PECR: variants seen among roughly 807,000 people sequenced by gnomAD.
PECR encodes peroxisomal trans-2-enoyl-CoA reductase.
PECR carries 30 observed loss-of-function variants against 35.3 expected under a neutral mutation model. The ratio of observed to expected loss-of-function variants is 0.85; its 90% CI spans 0.64 to 1.15. PECR has a LOEUF of 1.15. Ranked by LOEUF, PECR falls within the 50% of genes most tolerant of loss-of-function variation. PECR has a pLI of 0.00. For missense variants in PECR, 392 were observed against 370.8 expected, an observed-to-expected ratio of 1.06 and a Z score of -0.47; for synonymous variants, 148 against 138.9, an observed-to-expected ratio of 1.07 and a Z score of -0.46.
chr2:216,036,724 C>T (rs945312030), downstream of PECR, among the ~76,000 whole-genome samples: 7 of 152,200 alleles, frequency 4.6e-5, no homozygotes, highest in African/African-American at 9.6e-5. Context: ...TGAAGGCCAT[C>T]GCTGCCTTCT....
At chr2:216,071,026 T>C (rs1695578043) in intron 1 of PECR, among the ~76,000 whole-genome samples, 1 of 152,230 alleles carries the variant, frequency 6.6e-6, no homozygotes, top group East Asian at 1.9e-4. Flanking sequence ...TTGAATTAAT[T>C]GAGACAGGTA....
chr2:216,066,751 T>C (rs759354060), intron 1 of PECR, among the ~76,000 whole-genome samples: 41 of 152,168 alleles, frequency 2.7e-4, no homozygotes, highest in Non-Finnish European at 4.6e-4. Context: ...AGTGGCTTGA[T>C]CATAGCTCAC....
At position 216,064,560 on chromosome 2, in the gene PECR, C is replaced by T. The variant is rs138225118; in HGVS notation, c.424+752G>A. Among the ~76,000 whole-genome samples the T allele has an allele frequency of 5.4e-3, 828 of 152,324 alleles. 10 individuals carry two copies. The highest frequency in any genetic ancestry group is 0.019 in the African/African-American group (786 of 41,566). ...TTATGAAACTACCATATAATCCTTA[C>T]ACTACCTACCTGGACTTTTTATGTG... On this transcript the variant is annotated intron_variant, in intron 3 of 7. Coordinates refer to ENST00000265322, the MANE Select transcript of PECR (RefSeq NM_018441.6).
At chr2:216,046,994 G>A (rs761078034) in intron 6 of PECR, among the ~76,000 whole-genome samples, 1 of 152,188 alleles carries the variant, frequency 6.6e-6, no homozygotes, top group Non-Finnish European at 1.5e-5. Context: ...TAGGCCAGGC[G>A]TGGTAGTTCA....
At chr2:216,076,749 G>T (rs991542437) in intron 1 of PECR, among the ~76,000 whole-genome samples, 1 of 151,922 alleles carries the variant, frequency 6.6e-6, no homozygotes, top group Admixed American at 6.5e-5. Flanking sequence ...GCAGTGAGCT[G>T]CTGTCAAGCC....
chr2:216,079,321 G>A (rs1695778508), intron 1 of PECR, among the ~76,000 whole-genome samples: 1 of 151,732 alleles, frequency 6.6e-6, no homozygotes, highest in Admixed American at 6.6e-5. Flanking sequence ...TCAGAAAAAT[G>A]GCTAAAAATC....
At chr2:216,039,997 GCAT>G (rs140541029) in intron 7 of PECR, among the ~76,000 whole-genome samples, 1,688 of 152,286 alleles carry the variant, frequency 0.011, 27 homozygotes, top group African/African-American at 0.037. Context: ...CTCTCTCTGT[GCAT>G]CTGGGTATGA....
At chr2:216,049,142 G>A (rs1249725945) in intron 6 of PECR, 121 bp downstream of exon 6, 4 of 759,066 alleles carry the variant, frequency 5.3e-6, no homozygotes, top group Non-Finnish European at 9.9e-6. Context: ...AAGAACAGGG[G>A]AAATGTTCTG....
downstream of PECR, chr2:216,038,308 T>C (rs1446819145): frequency 1.3e-5 from 2 of 152,158 alleles, no homozygotes; most frequent in African/African-American, 4.8e-5. Flanking sequence ...AATTTTGTTT[T>C]TGCCTACAAA....
At chr2:216,033,806 A>G (rs982411489), downstream of PECR, 1 of 152,352 alleles carries the variant, frequency 6.6e-6, no homozygotes, top group Non-Finnish European at 1.5e-5. Flanking sequence ...CACTAGACTG[A>G]GCCACGGCTG....
chr2:216,079,615 C>T (rs1695787946), intron 1 of PECR, among the ~76,000 whole-genome samples: 1 of 151,200 alleles, frequency 6.6e-6, no homozygotes, highest in South Asian at 2.1e-4. Flanking sequence ...GCTCTGCCCG[C>T]CTCGGCCTCC....
intron 6 of PECR, among the ~76,000 whole-genome samples, chr2:216,044,607 T>A (rs1574678207): frequency 6.6e-6 from 1 of 151,846 alleles, no homozygotes; most frequent in African/African-American, 2.4e-5. Context: ...GAGGCTGAGG[T>A]GGGAGCATTG....
intron 7 of PECR, among the ~76,000 whole-genome samples, chr2:216,031,596 GAAGGA>G (rs1420446532): frequency 2.3e-4 from 20 of 88,464 alleles, no homozygotes; most frequent in Middle Eastern, 5.0e-3. Context: ...GGAAAGAAAA[GAAGGA>G]AAGAAGGAAG....
At position 216,066,464 on chromosome 2, in the gene PECR, T is replaced by G; in HGVS notation, c.179A>C (p.Asp60Ala). The stretch of plus-strand genomic sequence containing the variant: ...GGGAGGTAGGTTGGCCTGCAGTTCA[T>G]CTGCCGCAGACTTCAATCTCTCCAA... ...RKLERLKSAA[D>A]ELQANLPPTK... is the part of the protein sequence containing the mutation. The change falls in exon 2 of 8, where the codon GAT (aspartate) becomes GCT (alanine). Residue 60 changes from aspartate to alanine, a missense_variant. Coordinates refer to ENST00000265322, the MANE Select transcript of PECR (RefSeq NM_018441.6). The G allele has an allele frequency of 6.2e-7, 1 of 1,613,770 alleles. No homozygotes were observed. Among genetic ancestry groups the G allele is most frequent in the Non-Finnish European group, 8.5e-7 (1 of 1,179,608 alleles).
At position 216,067,235 on chromosome 2, in the gene PECR, T is replaced by A. The variant is rs143807325; in HGVS notation, c.125-717A>T. ...ATACAGAGAGCGAGAACTCCAGAGATCTGCAGAGTCTCTCTGGAATCTTCA... is the reference window on the plus strand; with the variant it reads ...ATACAGAGAGCGAGAACTCCAGAGAACTGCAGAGTCTCTCTGGAATCTTCA... On this transcript the variant is annotated intron_variant, in intron 1 of 7. Transcript: ENST00000265322. Among the ~76,000 whole-genome samples, 826 of 152,130 alleles carry A rather than the reference T, an allele frequency of 5.4e-3. 9 individuals are homozygous for A. The highest frequency in any genetic ancestry group is 0.019 in the African/African-American group (784 of 41,484).
chr2:216,060,614 G>A (rs1396101534), intron 3 of PECR, among the ~76,000 whole-genome samples: 1 of 152,100 alleles, frequency 6.6e-6, no homozygotes, highest in Non-Finnish European at 1.5e-5. Context: ...AGTGGGCTAT[G>A]CAGCCTTGAA....
intron 5 of PECR, among the ~76,000 whole-genome samples, chr2:216,049,819 A>G (rs1299101165): frequency 6.6e-6 from 1 of 152,250 alleles, no homozygotes; most frequent in African/African-American, 2.4e-5. Flanking sequence ...TTGAAATCGC[A>G]AATAAAGCAT....
At chr2:216,048,460 A>C (rs990423352) in intron 6 of PECR, among the ~76,000 whole-genome samples, 1 of 151,760 alleles carries the variant, frequency 6.6e-6, no homozygotes, top group South Asian at 2.1e-4. Flanking sequence ...ATGTAATCCC[A>C]GCACTTTAGG....
chr2:216,066,915 G>A (rs1337474542), intron 1 of PECR, among the ~76,000 whole-genome samples: 1 of 152,152 alleles, frequency 6.6e-6, no homozygotes, highest in South Asian at 2.1e-4. Context: ...ACAAGATGGA[G>A]TAGTAGAAAC....
Sources: gnomAD v4.1 joint callset for allele counts (sites outside exome capture counted in the v4.1 genomes callset) on GRCh38, gnomAD v4.1.1 for gene constraint, MANE v1.5 for transcripts, NCBI Gene and HGNC (gene_info 2026-07-23, HGNC 2026-07-21) for gene names.